The following MYO16 variants were observed in gnomAD, a reference collection of about 807,000 sequenced individuals.
MYO16 encodes the protein unconventional myosin-XVI.
A neutral mutation model predicts 205.3 loss-of-function variants in MYO16; 94 were observed. The observed-to-expected ratio is 0.46, with a 90% CI of 0.39 to 0.54. The LOEUF is 0.54. Ranked by LOEUF, MYO16 falls within the 20% of genes least tolerant of loss-of-function variation. The probability of loss-of-function intolerance (pLI) is 0.00; values close to 1 mark genes in which losing one functional copy is unlikely to be tolerated. For synonymous variants in MYO16, 988 were observed against 954.0 expected (o/e 1.04, Z -0.66); for missense variants, 2,315 against 2,387.5 (o/e 0.97, Z 0.63).
In MYO16 at chr13:109,011,498, C is replaced by CTTT. The variant is rs34575828; in HGVS notation, c.2595+2459_2595+2461dup. On this transcript the variant is annotated intron_variant, in intron 22 of 34. Transcript: ENST00000457511. ...TTTGCTTTTTTTTTTTTCTTCCTTT[C>CTTT]TTTTTTTTTTTTGTTGTTATTTGTT... 7.3e-3 allele frequency among the ~76,000 whole-genome samples: 949 copies of CTTT among 129,916 alleles called. 12 individuals are homozygous for CTTT. Among genetic ancestry groups the CTTT allele is most frequent in the African/African-American group, 0.024 (812 of 34,306 alleles). 85.2% of individuals were successfully genotyped at this position (129,916 alleles called of 152,430 possible). A position where few individuals can be genotyped will look rare whatever the true frequency, so the allele number is the denominator to read the frequency against.
intron 2 of MYO16, among the ~76,000 whole-genome samples, chr13:108,702,253 A>G (rs886768310): frequency 6.6e-6 from 1 of 152,200 alleles, no homozygotes; most frequent in Non-Finnish European, 1.5e-5. Context: ...CCTAGACACA[A>G]CATAAACTGT....
At chr13:108,509,407 A>G in the MYO16 span, among the ~76,000 whole-genome samples, 4 of 152,232 alleles carry the variant, frequency 2.6e-5, no homozygotes, top group Non-Finnish European at 4.4e-5. Context: ...CTACTACTCT[A>G]TGGAAAGCTA....
rs74994803 is a variant in MYO16 at position 108,813,329 on chromosome 13, A to C, written c.867+6525A>C. Among the ~76,000 whole-genome samples the C allele has an allele frequency of 5.0e-3, 760 of 152,292 alleles. 1 individual carries two copies. The highest frequency in any genetic ancestry group is 7.3e-3 in the Non-Finnish European group (496 of 68,014). On this transcript the variant is annotated intron_variant, in intron 7 of 34. Transcript: ENST00000457511. ...TTCTCAGAGTTAGAGACATTTACTCATTGCAATGTAGAGTATGCACCATTG... is the reference window on the plus strand; with the variant it reads ...TTCTCAGAGTTAGAGACATTTACTCCTTGCAATGTAGAGTATGCACCATTG...
In MYO16 at chr13:108,834,662, TCTCTCTCA is replaced by T. The variant is rs1203890782; in HGVS notation, c.1098-9679_1098-9672del. Among the ~76,000 whole-genome samples the T allele has an allele frequency of 5.1e-3, 130 of 25,480 alleles. 2 individuals are homozygous for T. The highest frequency in any genetic ancestry group is 0.011 in the African/African-American group (110 of 10,448). 16.7% of individuals were successfully genotyped at this position (25,480 alleles called of 152,430 possible). On this transcript the variant is annotated intron_variant, in intron 9 of 34. Transcript: ENST00000457511. ...TACTCTCTCTCTCTCTCTCTCTCTC[TCTCTCTCA>T]CACATATATATATGTGAATATATAT...
intron 9 of MYO16, among the ~76,000 whole-genome samples, chr13:108,841,547 AT>A (rs1594335829): frequency 6.6e-6 from 1 of 152,144 alleles, no homozygotes; most frequent in East Asian, 1.9e-4. Context: ...CTGTAAGAGA[AT>A]TTTTTTCTTT....
chr13:108,993,971 C>T (rs1394692085), intron 21 of MYO16, among the ~76,000 whole-genome samples: 3 of 152,146 alleles, frequency 2.0e-5, no homozygotes, highest in Non-Finnish European at 2.9e-5. Context: ...CCTCTAAAGT[C>T]TGCTAGGGGA....
At chr13:108,677,600 G>T (rs571798782) in intron 2 of MYO16, among the ~76,000 whole-genome samples, 16 of 151,832 alleles carry the variant, frequency 1.1e-4, no homozygotes, top group African/African-American at 2.9e-4. Context: ...TGAATAATGG[G>T]TTCTGCTCTT....
At chr13:108,802,697 C>A (rs538520351) in intron 6 of MYO16, among the ~76,000 whole-genome samples, 2 of 152,168 alleles carry the variant, frequency 1.3e-5, no homozygotes, top group African/African-American at 4.8e-5. Flanking sequence ...CTACCAGTAA[C>A]ATACAGATAT....
At chr13:109,012,258 C>T (rs563240528) in intron 22 of MYO16, among the ~76,000 whole-genome samples, 6 of 152,266 alleles carry the variant, frequency 3.9e-5, no homozygotes, top group East Asian at 1.9e-4. Flanking sequence ...TACTGGTCCA[C>T]GGCCTGTGAG....
At chr13:108,925,532 T>G (rs1251637640) in intron 16 of MYO16, among the ~76,000 whole-genome samples, 1 of 152,204 alleles carries the variant, frequency 6.6e-6, no homozygotes, top group African/African-American at 2.4e-5. Context: ...GGCTTTGGGT[T>G]GAACATTTTG....
At chr13:108,613,084 G>T (rs1448013758) in intron 1 of MYO16, among the ~76,000 whole-genome samples, 1 of 152,072 alleles carries the variant, frequency 6.6e-6, no homozygotes, top group Admixed American at 6.6e-5. Flanking sequence ...TGGAAAGATG[G>T]GATTGATTAT....
chr13:108,659,331 CACAT>C (rs1291501557), intron 1 of MYO16: 1 of 392,714 alleles, frequency 2.5e-6, no homozygotes, highest in African/African-American at 2.1e-5. Context: ...TATATACACA[CACAT>C]ACACAAACAC....
intron 16 of MYO16, among the ~76,000 whole-genome samples, chr13:108,924,272 A>G (rs1369581404): frequency 2.0e-5 from 3 of 152,220 alleles, no homozygotes; most frequent in Admixed American, 6.5e-5. Context: ...GTGTCAGACC[A>G]TTCTTCCTGG....
At chr13:109,177,046 C>T (rs190112954) in intron 33 of MYO16, among the ~76,000 whole-genome samples, 1 of 152,350 alleles carries the variant, frequency 6.6e-6, no homozygotes, top group African/African-American at 2.4e-5. Context: ...CGCGAAGCGT[C>T]CTTGTGTTTT....
chr13:109,150,459 A>C (rs1189888166), intron 32 of MYO16, among the ~76,000 whole-genome samples: 1 of 152,140 alleles, frequency 6.6e-6, no homozygotes, highest in Non-Finnish European at 1.5e-5. Context: ...ATGACTATTA[A>C]ATATTTAGAT....
chr13:109,101,966 G>C (rs962555577), intron 28 of MYO16: 7 of 152,106 alleles, frequency 4.6e-5, no homozygotes, highest in Admixed American at 3.3e-4. Context: ...AGGGAGGGAA[G>C]ACTGGATTGA....
At chr13:108,910,675 T>C (rs1453986557) in intron 16 of MYO16, among the ~76,000 whole-genome samples, 2 of 152,322 alleles carry the variant, frequency 1.3e-5, no homozygotes, top group East Asian at 3.9e-4. Context: ...GAGTGAAGAA[T>C]GTATTCTCAA....
chr13:108,939,308 G>A (rs1882622883), intron 16 of MYO16, among the ~76,000 whole-genome samples: 1 of 152,180 alleles, frequency 6.6e-6, no homozygotes, highest in Non-Finnish European at 1.5e-5. Context: ...AAAACAAAGT[G>A]CTCTCCCTCT....
chr13:108,630,825 GAGA>G (rs1448063162), intron 1 of MYO16, among the ~76,000 whole-genome samples: 1 of 152,154 alleles, frequency 6.6e-6, no homozygotes, highest in Admixed American at 6.5e-5. Flanking sequence ...AATGATGATT[GAGA>G]AGGTGAAAAT....
Sources: gnomAD v4.1 joint callset for allele counts (sites outside exome capture counted in the v4.1 genomes callset) on GRCh38, gnomAD v4.1.1 for gene constraint, MANE v1.5 for transcripts, NCBI Gene and HGNC (gene_info 2026-07-23, HGNC 2026-07-21) for gene names.